MEOX2: variants seen among roughly 807,000 people sequenced by gnomAD.
MEOX2 encodes the protein homeobox protein MOX-2.
In MEOX2, 11 loss-of-function variants were observed where a neutral mutation model predicts 27.0. That is an observed-to-expected ratio of 0.41 (90% CI 0.26 to 0.68). MEOX2 has a LOEUF of 0.68. Among genes scored for constraint, MEOX2 ranks in the 30% least tolerant of loss-of-function variants. MEOX2 has a pLI of 0.33. For synonymous variants in MEOX2, 189 were observed against 155.4 expected, an observed-to-expected ratio of 1.22 and a Z score of -1.61; for missense variants, 436 against 385.4, an observed-to-expected ratio of 1.13 and a Z score of -1.10.
At chr7:15,659,647 C>T (rs1280603042) in intron 1 of MEOX2, among the ~76,000 whole-genome samples, 1 of 150,780 alleles carries the variant, frequency 6.6e-6, no homozygotes, top group Non-Finnish European at 1.5e-5. Context: ...GTAGTCCCAG[C>T]TTCTCAGGGG....
intron 2 of MEOX2, among the ~76,000 whole-genome samples, chr7:15,615,346 T>A (rs967806052): frequency 6.6e-5 from 10 of 152,104 alleles, no homozygotes; most frequent in African/African-American, 2.4e-4. Flanking sequence ...TGATTCCAGA[T>A]TCTGGGTTTT....
chr7:15,625,227 C>T (rs547466379), intron 2 of MEOX2, among the ~76,000 whole-genome samples: 74 of 152,198 alleles, frequency 4.9e-4, no homozygotes, highest in African/African-American at 1.3e-3. Flanking sequence ...CCACATACAC[C>T]TTTTTATTTT....
intron 1 of MEOX2, among the ~76,000 whole-genome samples, chr7:15,678,507 T>C (rs960254550): frequency 1.3e-5 from 2 of 152,202 alleles, no homozygotes; most frequent in Admixed American, 1.3e-4. Context: ...GCATTCATTG[T>C]TAATTTGATA....
At position 15,612,284 on chromosome 7, in the gene MEOX2, T is replaced by G. The variant is rs1187182219; in HGVS notation, c.*103A>C. 1.1e-5 allele frequency: 10 copies of G among 919,448 alleles called. No individual in the cohort carries two copies. Among genetic ancestry groups the G allele is most frequent in the Non-Finnish European group, 1.7e-5 (10 of 578,646 alleles). The allele number at this position is 919,448 out of a possible 1,614,324, so 57.0% of individuals were successfully genotyped here. A position where few individuals can be genotyped will look rare whatever the true frequency, so the allele number is the denominator to read the frequency against. On this transcript the variant is annotated 3_prime_UTR_variant, in exon 3 of 3. Transcript: ENST00000262041. ...TCGAAATGCCTGGATTTAATAATATTAAACATCACTGCCATAGTCATCTCT... is the reference window on the plus strand; with the variant it reads ...TCGAAATGCCTGGATTTAATAATATGAAACATCACTGCCATAGTCATCTCT...
At chr7:15,667,557 T>G (rs1050205021) in intron 1 of MEOX2, among the ~76,000 whole-genome samples, 1 of 152,098 alleles carries the variant, frequency 6.6e-6, no homozygotes, top group East Asian at 1.9e-4. Context: ...TAGGGAATTA[T>G]GTACAAGTTT....
chr7:15,646,610 T>C (rs1444469747), intron 1 of MEOX2, among the ~76,000 whole-genome samples: 1 of 152,010 alleles, frequency 6.6e-6, no homozygotes, highest in Non-Finnish European at 1.5e-5. Flanking sequence ...TACTTATCTA[T>C]GAAAATGTCT....
chr7:15,672,092 A>AAAAAAAAAC (rs1562614125), intron 1 of MEOX2, among the ~76,000 whole-genome samples: 1 of 148,536 alleles, frequency 6.7e-6, no homozygotes, highest in Non-Finnish European at 1.5e-5. Flanking sequence ...GACTCCGTTT[A>AAAAAAAAAC]AAAAAAAACA....
chr7:15,663,619 G>T (rs1202263298), intron 1 of MEOX2, among the ~76,000 whole-genome samples: 1 of 152,068 alleles, frequency 6.6e-6, no homozygotes, highest in Non-Finnish European at 1.5e-5. Flanking sequence ...GATTACAGGC[G>T]TGAGCCACCG....
chr7:15,622,001 C>T (rs1781229472), intron 2 of MEOX2, among the ~76,000 whole-genome samples: 1 of 151,938 alleles, frequency 6.6e-6, no homozygotes, highest in Admixed American at 6.6e-5. Flanking sequence ...GCCTGTAATC[C>T]CAGCTACCAG....
chr7:15,672,431 T>C (rs1782114316), intron 1 of MEOX2, among the ~76,000 whole-genome samples: 1 of 152,226 alleles, frequency 6.6e-6, no homozygotes, highest in Non-Finnish European at 1.5e-5. Flanking sequence ...AAATTAGGCT[T>C]GACAGTTTCC....
At chr7:15,621,444 A>G (rs2115356772) in intron 2 of MEOX2, among the ~76,000 whole-genome samples, 1 of 152,282 alleles carries the variant, frequency 6.6e-6, no homozygotes, top group East Asian at 1.9e-4. Flanking sequence ...AGAATTATAG[A>G]CTACCCTGAC....
At chr7:15,626,156 G>A (rs2115359868) in intron 2 of MEOX2, among the ~76,000 whole-genome samples, 1 of 152,256 alleles carries the variant, frequency 6.6e-6, no homozygotes, top group East Asian at 1.9e-4. Context: ...AAAGGTCAGT[G>A]CATAAACTTC....
chr7:15,642,879 G>A (rs1481003839), intron 1 of MEOX2, among the ~76,000 whole-genome samples: 1 of 152,004 alleles, frequency 6.6e-6, no homozygotes, highest in Admixed American at 6.5e-5. Flanking sequence ...TGATTTCCTT[G>A]GCTGTAGAGA....
rs1012099155 is a variant in MEOX2, at chr7:15,657,402, A to T, written c.517+28484T>A. ...TTTTTCAATTTTCTTTTTATCATTCATTATGGATAATTTCTATGGTTCCAT... is the reference window on the plus strand; with the variant it reads ...TTTTTCAATTTTCTTTTTATCATTCTTTATGGATAATTTCTATGGTTCCAT... On this transcript the variant is annotated intron_variant, in intron 1 of 2. Coordinates refer to ENST00000262041, the MANE Select transcript of MEOX2 (RefSeq NM_005924.5). Among the ~76,000 whole-genome samples the T allele has an allele frequency of 4.6e-5, 7 of 152,178 alleles. 1 individual carries two copies. The South Asian group carries it at 1.2e-3, about 27-fold the overall frequency.
chr7:15,672,631 A>G (rs748408738), intron 1 of MEOX2, among the ~76,000 whole-genome samples: 2 of 152,150 alleles, frequency 1.3e-5, no homozygotes. Context: ...GGTGGCTCAC[A>G]CCCATAATCC....
chr7:15,626,118 C>T (rs1474809532), intron 2 of MEOX2, among the ~76,000 whole-genome samples: 1 of 152,122 alleles, frequency 6.6e-6, no homozygotes, highest in Non-Finnish European at 1.5e-5. Flanking sequence ...ATAGAAGTGA[C>T]ATGGCTAATT....
At chr7:15,665,624 G>T (rs55835057) in intron 1 of MEOX2, among the ~76,000 whole-genome samples, 1 of 152,062 alleles carries the variant, frequency 6.6e-6, no homozygotes, top group Non-Finnish European at 1.5e-5. Context: ...ATATCATGCA[G>T]GTCAGATACT....
intron 2 of MEOX2, among the ~76,000 whole-genome samples, chr7:15,616,081 A>G (rs941157347): frequency 6.6e-6 from 1 of 151,850 alleles, no homozygotes; most frequent in African/African-American, 2.4e-5. Context: ...AGATTGAAAA[A>G]AGACTGAATA....
At chr7:15,662,430 A>G in intron 1 of MEOX2, among the ~76,000 whole-genome samples, 1 of 152,080 alleles carries the variant, frequency 6.6e-6, no homozygotes, top group East Asian at 1.9e-4. Flanking sequence ...AACTGCTCCA[A>G]TAGCATGAAT....
Sources: gnomAD v4.1 joint callset for allele counts (sites outside exome capture counted in the v4.1 genomes callset) on GRCh38, gnomAD v4.1.1 for gene constraint, MANE v1.5 for transcripts, NCBI Gene and HGNC (gene_info 2026-07-23, HGNC 2026-07-21) for gene names.